The following CREB3L2 variants were observed in gnomAD, a reference collection of about 807,000 sequenced individuals.
The protein encoded by CREB3L2 is cAMP responsive element binding protein 3 like 2.
A neutral mutation model predicts 57.2 loss-of-function variants in CREB3L2; 23 were observed. That is an observed-to-expected ratio of 0.40 (90% CI 0.29 to 0.57). CREB3L2 has a LOEUF of 0.57. Among genes scored for constraint, CREB3L2 ranks in the 20% least tolerant of loss-of-function variants. The pLI, the probability that CREB3L2 is intolerant of heterozygous loss-of-function variation, is 0.42. For synonymous variants in CREB3L2, 268 were observed against 265.1 expected (o/e 1.01, Z -0.11); for missense variants, 628 against 634.7 (o/e 0.99, Z 0.11).
intron 1 of CREB3L2, among the ~76,000 whole-genome samples, chr7:137,941,070 G>C (rs145295816): frequency 6.6e-6 from 1 of 152,192 alleles, no homozygotes; most frequent in Non-Finnish European, 1.5e-5. Context: ...AATGACATGT[G>C]TTGAGACATA....
chr7:137,987,400 A>C (rs1735341218), intron 1 of CREB3L2, among the ~76,000 whole-genome samples: 1 of 152,220 alleles, frequency 6.6e-6, no homozygotes, highest in South Asian at 2.1e-4. Context: ...AAAAAAAAAC[A>C]AAAAACAAAA....
chr7:137,951,779 C>A (rs77036927), intron 1 of CREB3L2, among the ~76,000 whole-genome samples: 2 of 152,038 alleles, frequency 1.3e-5, no homozygotes, highest in Admixed American at 1.3e-4. Flanking sequence ...CCCAGGAGTT[C>A]GAGACGAGAC....
chr7:137,956,509 T>C (rs1801214420), intron 1 of CREB3L2: 1 of 652,824 alleles, frequency 1.5e-6, no homozygotes. Context: ...GAGCTCTCTC[T>C]TATTCACAAA....
rs1027076999 is a variant in CREB3L2 at position 137,916,079 on chromosome 7, A to G, written c.320-67T>C. 2.3e-6 allele frequency: 3 copies of G among 1,325,412 alleles called. No homozygotes were observed. The African/African-American group carries it at 4.5e-5, about 20-fold the overall frequency. The allele number at this position is 1,325,412 out of a possible 1,614,324, so 82.1% of individuals were successfully genotyped here. A position where few individuals can be genotyped will look rare whatever the true frequency, so the allele number is the denominator to read the frequency against. On this transcript the variant is annotated intron_variant, in intron 2 of 11. Transcript: ENST00000330387. Reference sequence around the variant, plus strand: ...GCATCAGGCATAAGCAAAACAAGCGACCACTAGTCTTTCTCCCCAAAAAAG... The same window carrying G: ...GCATCAGGCATAAGCAAAACAAGCGGCCACTAGTCTTTCTCCCCAAAAAAG...
At chr7:137,946,561 G>A (rs564304815) in intron 1 of CREB3L2, among the ~76,000 whole-genome samples, 2 of 151,616 alleles carry the variant, frequency 1.3e-5, no homozygotes, top group Non-Finnish European at 2.9e-5. Context: ...ACAGGACCCA[G>A]CTAAGCCATG....
At chr7:137,909,282 T>G (rs1197589279) in intron 4 of CREB3L2, among the ~76,000 whole-genome samples, 1 of 151,998 alleles carries the variant, frequency 6.6e-6, no homozygotes, top group Non-Finnish European at 1.5e-5. Flanking sequence ...TCCTCTAAAG[T>G]CTCCCGCGTC....
intron 1 of CREB3L2, among the ~76,000 whole-genome samples, chr7:137,966,147 T>C (rs1030318802): frequency 3.2e-4 from 48 of 152,246 alleles, no homozygotes; most frequent in African/African-American, 1.2e-3. Context: ...CCAAAGAAGA[T>C]ACAGATCAGA....
At chr7:137,882,652 G>A in intron 10 of CREB3L2, 24 bp from the exon 11 acceptor site, 1 of 1,524,544 alleles carries the variant, frequency 6.6e-7, no homozygotes, top group Non-Finnish European at 8.9e-7. Flanking sequence ...AGAATAATAA[G>A]GTGTTAGCAA....
At chr7:137,953,490 C>A in intron 1 of CREB3L2, 2 of 1,289,118 alleles carry the variant, frequency 1.6e-6, no homozygotes, top group Non-Finnish European at 2.0e-6. Flanking sequence ...AAAGCGTCAA[C>A]CATCCCCAAC....
At chr7:137,883,467 A>AAACC (rs1799342651) in intron 10 of CREB3L2, among the ~76,000 whole-genome samples, 1 of 152,226 alleles carries the variant, frequency 6.6e-6, no homozygotes, top group Non-Finnish European at 1.5e-5. Flanking sequence ...TGTATGGGAA[A>AAACC]AACCATACAG....
At position 137,922,604 on chromosome 7, in the gene CREB3L2, T is replaced by C; in HGVS notation, c.319+5546A>G. ...CTACCACTTACATGAGAAAAACACATACGCAGTTGGTCCTTGAACAACACG... is the reference window on the plus strand; with the variant it reads ...CTACCACTTACATGAGAAAAACACACACGCAGTTGGTCCTTGAACAACACG... On this transcript the variant is annotated intron_variant, in intron 2 of 11. Coordinates refer to ENST00000330387, the MANE Select transcript of CREB3L2 (RefSeq NM_194071.4). The C allele has an allele frequency of 6.8e-6, 3 of 442,564 alleles. 1 individual carries two copies. The highest frequency in any genetic ancestry group is 4.8e-5 in the South Asian group (3 of 62,342). The allele number at this position is 442,564 out of a possible 1,614,324, so 27.4% of individuals were successfully genotyped here.
At chr7:137,946,898 A>G in intron 1 of CREB3L2, among the ~76,000 whole-genome samples, 1 of 55,126 alleles carries the variant, frequency 1.8e-5, no homozygotes, top group Non-Finnish European at 3.1e-5. Context: ...TTATATATAT[A>G]GTTATATATA....
intron 1 of CREB3L2, among the ~76,000 whole-genome samples, chr7:137,940,474 G>A (rs1800863414): frequency 6.6e-6 from 1 of 152,174 alleles, no homozygotes; most frequent in African/African-American, 2.4e-5. Context: ...GCCTGACCTG[G>A]TCACTCTAAT....
intron 2 of CREB3L2, among the ~76,000 whole-genome samples, chr7:137,926,111 G>C (rs1292246097): frequency 6.6e-6 from 1 of 152,306 alleles, no homozygotes; most frequent in South Asian, 2.1e-4. Flanking sequence ...GGAGAAACAG[G>C]AACACTTTTA....
At chr7:137,913,183 G>T (rs1023725121) in intron 3 of CREB3L2, 105 bp from the exon 4 acceptor site, 16 of 1,162,164 alleles carry the variant, frequency 1.4e-5, no homozygotes, top group South Asian at 3.1e-5. Flanking sequence ...GGACAGCCCT[G>T]CCTATCCTGG....
intron 1 of CREB3L2, among the ~76,000 whole-genome samples, chr7:137,941,416 C>T (rs1463378149): frequency 6.6e-6 from 1 of 152,184 alleles, no homozygotes; most frequent in African/African-American, 2.4e-5. Context: ...AGTTAGCAAC[C>T]GCAGTTATTG....
At position 138,001,082 on chromosome 7, in the gene CREB3L2, A is replaced by AAC. The variant is rs59967148; in HGVS notation, c.102+520_102+521dup. On this transcript the variant is annotated intron_variant, in intron 1 of 11. Transcript: ENST00000330387. The surrounding 1 kb of genome is among the most constrained non-coding windows in gnomAD (Gnocchi z 4.2). ...CTCCCTAACGTAGAGGAGCCCTTTC[A>AAC]ACACACACACACACACACACACACA... Among the ~76,000 whole-genome samples, 23,091 of 136,524 alleles carry AAC rather than the reference A, an allele frequency of 0.17. 2,096 individuals carry two copies. Among genetic ancestry groups the AAC allele is most frequent in the Non-Finnish European group, 0.21 (13,004 of 63,042 alleles). The allele number at this position is 136,524 out of a possible 152,430, so 89.6% of individuals were successfully genotyped here.
chr7:137,922,491 C>CATAT, intron 2 of CREB3L2: 1 of 208,564 alleles, frequency 4.8e-6, no homozygotes, highest in East Asian at 1.0e-4. Flanking sequence ...TATATACACA[C>CATAT]ACACACACAC....
At chr7:137,894,557 G>A (rs1275738553) in intron 8 of CREB3L2, among the ~76,000 whole-genome samples, 2 of 152,194 alleles carry the variant, frequency 1.3e-5, no homozygotes, top group African/African-American at 4.8e-5. Flanking sequence ...GCCCTTCGGA[G>A]AACAGATTTG....
Sources: gnomAD v4.1 joint callset for allele counts (sites outside exome capture counted in the v4.1 genomes callset) on GRCh38, gnomAD v4.1.1 for gene constraint, Gnocchi (gnomAD v3.1) non-coding constraint, MANE v1.5 for transcripts, NCBI Gene and HGNC (gene_info 2026-07-23, HGNC 2026-07-21) for gene names.